KANK1: variants seen among roughly 807,000 people sequenced by gnomAD.
KANK1 encodes the protein KN motif and ankyrin repeat domains 1, also known as KN motif and ankyrin repeat domain-containing protein 1.
Under a neutral mutation model 106.2 loss-of-function variants are expected in KANK1, and 109 were observed. The ratio of observed to expected loss-of-function variants is 1.03; its 90% CI spans 0.88 to 1.20. The LOEUF is 1.20. KANK1 is among the 50% of genes most tolerant of loss of function. The pLI, the probability that KANK1 is intolerant of heterozygous loss-of-function variation, is 0.00. For synonymous variants in KANK1, 873 were observed against 652.2 expected (o/e 1.34, Z -5.16); for missense variants, 2,399 against 1,710.7 (o/e 1.40, Z -7.10).
chr9:591,223 T>G (rs1258998342), intron 1 of KANK1, among the ~76,000 whole-genome samples: 1 of 151,958 alleles, frequency 6.6e-6, no homozygotes, highest in East Asian at 1.9e-4. Context: ...TTTGATAATT[T>G]CTTTGAATTT....
chr9:500,801 G>A (rs1306322467), upstream of KANK1, among the ~76,000 whole-genome samples: 1 of 152,128 alleles, frequency 6.6e-6, no homozygotes, highest in Admixed American at 6.6e-5. Flanking sequence ...TCCCTCCTAC[G>A]GAGCTTCAGT....
intron 3 of KANK1, among the ~76,000 whole-genome samples, chr9:715,112 T>G (rs369711042): frequency 2.0e-5 from 3 of 152,340 alleles, no homozygotes; most frequent in East Asian, 3.9e-4. Context: ...TAGTTTTCAG[T>G]ATCTGTGCTA....
At chr9:724,011 G>A (rs12345961) in intron 3 of KANK1, among the ~76,000 whole-genome samples, 9,943 of 151,694 alleles carry the variant, frequency 0.066, 781 homozygotes, top group East Asian at 0.18. Flanking sequence ...GCTGAGGTGG[G>A]AGGATTGATT....
chr9:490,055 T>C (rs1319846166), intron 3 of KANK1, among the ~76,000 whole-genome samples: 1 of 152,232 alleles, frequency 6.6e-6, no homozygotes, highest in East Asian at 1.9e-4. Context: ...TTGTTCAGGT[T>C]TTATAGGGTC....
chr9:528,469 C>CTTTTTTTTTTTTTTTTTTTTTTTTTT (rs36072780), intron 1 of KANK1, among the ~76,000 whole-genome samples: 7 of 85,126 alleles, frequency 8.2e-5, no homozygotes, highest in Non-Finnish European at 1.5e-4. Context: ...TAAAAAATAA[C>CTTTTTTTTTTTTTTTTTTTTTTTTTT]TTTTTTTTTT....
intron 1 of KANK1, among the ~76,000 whole-genome samples, chr9:572,691 C>T (rs1485294436): frequency 6.6e-6 from 1 of 152,160 alleles, no homozygotes; most frequent in Non-Finnish European, 1.5e-5. Context: ...CCACCATGTC[C>T]AGCCCTACTT....
chr9:645,217 G>A (rs555696073), intron 1 of KANK1, among the ~76,000 whole-genome samples: 1 of 149,498 alleles, frequency 6.7e-6, no homozygotes, highest in Non-Finnish European at 1.5e-5. Flanking sequence ...GAGGTGGGCA[G>A]ATCGCTTAGG....
intron 3 of KANK1, chr9:492,156 A>G (rs1282839448): frequency 6.6e-6 from 1 of 152,244 alleles, no homozygotes; most frequent in Non-Finnish European, 1.5e-5. Flanking sequence ...GTAGTAGGAG[A>G]AAAGACAGAG....
At chr9:596,914 C>T (rs1161875726) in intron 1 of KANK1, among the ~76,000 whole-genome samples, 2 of 151,422 alleles carry the variant, frequency 1.3e-5, no homozygotes, top group African/African-American at 4.9e-5. Flanking sequence ...TCTCCTCTCT[C>T]TCATCCCTGA....
chr9:539,406 A>T (rs1416680228), intron 1 of KANK1: 1 of 152,138 alleles, frequency 6.6e-6, no homozygotes, highest in Non-Finnish European at 1.5e-5. Flanking sequence ...CCATTTATTT[A>T]TGTCTTCAGT....
intron 2 of KANK1, among the ~76,000 whole-genome samples, chr9:472,210 G>C (rs1255332747): frequency 1.3e-5 from 2 of 152,174 alleles, no homozygotes; most frequent in Non-Finnish European, 2.9e-5. Context: ...TGTCTCTTCT[G>C]AGTGACCAGT....
intron 1 of KANK1, among the ~76,000 whole-genome samples, chr9:593,826 AC>A (rs1312209068): frequency 6.6e-6 from 1 of 151,944 alleles, no homozygotes; most frequent in Non-Finnish European, 1.5e-5. Context: ...CTGGGTTATG[AC>A]AAGTAACTGG....
intron 3 of KANK1, among the ~76,000 whole-genome samples, chr9:718,403 C>G (rs537897983): frequency 2.0e-5 from 3 of 149,998 alleles, no homozygotes; most frequent in East Asian, 4.0e-4. Flanking sequence ...GCCTGAACTT[C>G]CCGAGCTCTA....
At chr9:546,974 A>T (rs9408631) in intron 1 of KANK1, among the ~76,000 whole-genome samples, 9,819 of 152,286 alleles carry the variant, frequency 0.064, 372 homozygotes, top group South Asian at 0.084. Context: ...ATAGGGTTGC[A>T]GCAGCTCTCC....
intron 1 of KANK1, among the ~76,000 whole-genome samples, chr9:528,468 ACTTTTTTTTTT>A (rs1349625537): frequency 1.0e-3 from 122 of 117,262 alleles, no homozygotes; most frequent in Middle Eastern, 4.2e-3. Context: ...TTAAAAAATA[ACTTTTTTTTTT>A]TTTTTTTTTT....
At chr9:474,590 G>A (rs771673098) in intron 3 of KANK1, among the ~76,000 whole-genome samples, 24 of 152,058 alleles carry the variant, frequency 1.6e-4, no homozygotes, top group Non-Finnish European at 2.8e-4. Context: ...TCCCTGTGTC[G>A]TTTCTCTAAA....
intron 1 of KANK1, among the ~76,000 whole-genome samples, chr9:608,916 C>T (rs1484450645): frequency 1.3e-5 from 2 of 152,072 alleles, no homozygotes; most frequent in African/African-American, 4.8e-5. Flanking sequence ...TTCAATAGAG[C>T]ATTTTCTTGG....
intron 1 of KANK1, among the ~76,000 whole-genome samples, chr9:544,288 G>A (rs1587675624): frequency 6.6e-6 from 1 of 152,100 alleles, no homozygotes; most frequent in Admixed American, 6.6e-5. Flanking sequence ...CTCCCGAAGT[G>A]CTAGGAGTAC....
rs1330453126 is a variant in KANK1, at chr9:732,511, G to A, written c.3139G>A (p.Ala1047Thr). The change falls in exon 6 of 12, where the codon GCA becomes ACA. Residue 1047 changes from alanine to threonine, a missense_variant. Transcript: ENST00000382297. ...GGAGGATGAAGACACTCGGGGAATGGCAGAAGGGCACCATGCAGTTAATAT... is the reference window on the plus strand; with the variant it reads ...GGAGGATGAAGACACTCGGGGAATGACAGAAGGGCACCATGCAGTTAATAT... Reference protein sequence around the residue: ...EEEDEDTRGMAEGHHAVNIEG... With the variant: ...EEEDEDTRGMTEGHHAVNIEG... The A allele has an allele frequency of 1.2e-6, 2 of 1,614,178 alleles. No homozygotes were observed. Among genetic ancestry groups the A allele is most frequent in the Non-Finnish European group, 1.7e-6 (2 of 1,180,036 alleles).
Sources: gnomAD v4.1 joint callset for allele counts (sites outside exome capture counted in the v4.1 genomes callset) on GRCh38, gnomAD v4.1.1 for gene constraint, MANE v1.5 for transcripts, NCBI Gene and HGNC (gene_info 2026-07-23, HGNC 2026-07-21) for gene names.